The following BTN1A1 variants were observed in gnomAD, a reference collection of about 807,000 sequenced individuals.
BTN1A1 encodes butyrophilin subfamily 1 member A1.
In BTN1A1, 26 loss-of-function variants were observed where a neutral mutation model predicts 33.1. The ratio of observed to expected loss-of-function variants is 0.79; its 90% CI spans 0.58 to 1.09. The LOEUF (loss-of-function observed/expected upper bound fraction) is 1.09, where lower values mean the gene tolerates loss of function less well. BTN1A1 is among the 50% of genes least tolerant of loss of function. BTN1A1 has a pLI of 0.00. For missense variants in BTN1A1, 558 were observed against 655.7 expected (o/e 0.85, Z 1.63); for synonymous variants, 235 against 256.2 (o/e 0.92, Z 0.79).
At chr6:26,505,766 G>C (rs185678638) in intron 4 of BTN1A1, among the ~76,000 whole-genome samples, 86 of 151,852 alleles carry the variant, frequency 5.7e-4, no homozygotes, top group Admixed American at 2.7e-3. Context: ...AAGTGAGATA[G>C]AGAAGCTTTG....
chr6:26,505,817 GT>G (rs1206947929), intron 4 of BTN1A1, among the ~76,000 whole-genome samples: 5 of 151,732 alleles, frequency 3.3e-5, no homozygotes, highest in Admixed American at 1.3e-4. Context: ...CTCTCCTCAA[GT>G]AAACAAAAAG....
intron 4 of BTN1A1, 85 bp from the exon 5 acceptor site, chr6:26,506,598 C>A (rs1278808116): frequency 1.4e-6 from 2 of 1,464,156 alleles, no homozygotes; most frequent in Non-Finnish European, 1.9e-6. Context: ...GCCATCACCT[C>A]TTCTACCCTC....
At position 26,501,862 on chromosome 6, in the gene BTN1A1, G is replaced by A. The variant is rs773149513; in HGVS notation, c.352G>A (p.Asp118Asn). Residue 118 changes from aspartate (D) to asparagine (N), a missense_variant, in exon 3 of 8, where the codon GAC becomes AAC. Physicochemically the swap from Asp to Asn is conservative, Grantham distance 23. Transcript: ENST00000684113. The surrounding 1 kb of genome is among the most constrained non-coding windows in gnomAD (Gnocchi z 5.2). The part of the protein sequence containing the change: ...ALRIRGVRVS[D>N]DGEYTCFFRE... ...GAGGATCCGTGGCGTCAGAGTCTCT[G>A]ACGACGGGGAGTACACGTGCTTTTT... The A allele has an allele frequency of 6.2e-6, 10 of 1,610,076 alleles. No individual in the cohort carries two copies. Among genetic ancestry groups the A allele is most frequent in the Non-Finnish European group, 5.9e-6 (7 of 1,177,170 alleles).
In BTN1A1 at chr6:26,501,255, T is replaced by A. The variant is rs1391514197; in HGVS notation, c.-32T>A. 11 of 1,585,508 alleles carry A rather than the reference T, an allele frequency of 6.9e-6. No individual in the cohort carries two copies. Among genetic ancestry groups the A allele is most frequent in the Non-Finnish European group, 9.5e-6 (11 of 1,154,312 alleles). ...GCTGAAGCTCCTGAGGGGACTCACATCAGTTATCTTGCTGCTCCAGAAGGG... is the reference window on the plus strand; with the variant it reads ...GCTGAAGCTCCTGAGGGGACTCACAACAGTTATCTTGCTGCTCCAGAAGGG... On this transcript the variant is annotated 5_prime_UTR_variant, in exon 2 of 8. Transcript: ENST00000684113. The surrounding 1 kb of genome is among the most constrained non-coding windows in gnomAD (Gnocchi z 5.2).
In BTN1A1 at chr6:26,508,517, C is replaced by G; in HGVS notation, c.924C>G (p.Asp308Glu). ...ATLHAVDVTL[D>E]PDTAHPHLFL... is the part of the protein sequence containing the mutation. ...TCTCTCCAGTTGATGTGACTCTGGA[C>G]CCAGACACAGCTCATCCCCACCTCT... Residue 308 changes from aspartate to glutamate, a missense_variant, in exon 8 of 8, where the codon GAC (aspartate) becomes GAG (glutamate). Transcript: ENST00000684113. The G allele has an allele frequency of 6.2e-7, 1 of 1,612,678 alleles. No individual in the cohort carries two copies. Among genetic ancestry groups the G allele is most frequent in the Non-Finnish European group, 8.5e-7 (1 of 1,179,228 alleles).
intron 3 of BTN1A1, among the ~76,000 whole-genome samples, chr6:26,502,926 C>G (rs972165404): frequency 6.6e-6 from 1 of 152,268 alleles, no homozygotes; most frequent in Non-Finnish European, 1.5e-5. Context: ...GAGGAAAGTA[C>G]GCATTGAGGT....
At position 26,506,792 on chromosome 6, in the gene BTN1A1, C is replaced by G; in HGVS notation, c.819C>G (p.Asn273Lys). 6.2e-7 allele frequency: 1 copy of G among 1,614,032 alleles called. No homozygotes were observed. The highest frequency in any genetic ancestry group is 8.5e-7 in the Non-Finnish European group (1 of 1,179,990). Reference protein sequence around the residue: ...GSIFFTWRLYNERPRERRNEF... With the variant: ...GSIFFTWRLYKERPRERRNEF... ...TATTTTTCACTTGGAGACTATACAA[C>G]GAAAGACCCAGAGAGAGGAGGAATG... The change falls in exon 5 of 8, where the codon AAC (asparagine) becomes AAG (lysine). Residue 273 changes from asparagine (N) to lysine (K), a missense_variant. Coordinates refer to ENST00000684113, the MANE Select transcript of BTN1A1 (RefSeq NM_001732.3).
intron 7 of BTN1A1, 106 bp from the exon 8 acceptor site, chr6:26,508,395 G>T: frequency 7.7e-7 from 1 of 1,298,376 alleles, no homozygotes; most frequent in South Asian, 1.4e-5. Context: ...ACCTCCAGAA[G>T]ACCTGTCAAC....
rs1355552742 is a variant in BTN1A1 at position 26,507,933 on chromosome 6, TTTTG to T, written c.860-9_860-6del. On this transcript the variant is annotated splice_polypyrimidine_tract_variant and intron_variant, in intron 5 of 7. Coordinates refer to ENST00000684113, the MANE Select transcript of BTN1A1 (RefSeq NM_001732.3). ...CCACTATAGAAAGCCATTGAGGTATTTTTGTTTGTTTTCCAGAGAGACTCCTGGA... is the reference window on the plus strand; with the variant it reads ...CCACTATAGAAAGCCATTGAGGTATTTTTGTTTTCCAGAGAGACTCCTGGA... The T allele has an allele frequency of 2.5e-6, 4 of 1,613,848 alleles. No homozygotes were observed. The highest frequency in any genetic ancestry group is 3.4e-6 in the Non-Finnish European group (4 of 1,179,876).
At chr6:26,506,861 T>G (rs571765494) in intron 5 of BTN1A1, 29 bp downstream of exon 5, 84 of 1,611,702 alleles carry the variant, frequency 5.2e-5, no homozygotes, top group Admixed American at 2.5e-4. Flanking sequence ...AAGGGCTACG[T>G]GTCAGGAGTG....
At position 26,505,143 on chromosome 6, in the gene BTN1A1, G is replaced by A. The variant is rs1763853008; in HGVS notation, c.646G>A (p.Val216Met). 1 of 1,613,998 alleles carries A rather than the reference G, an allele frequency of 6.2e-7. No individual in the cohort carries two copies. The highest frequency in any genetic ancestry group is 8.5e-7 in the Non-Finnish European group (1 of 1,179,874). The change falls in exon 4 of 8, where the codon GTG (valine) becomes ATG (methionine). Residue 216 changes from valine to methionine, a missense_variant. By Grantham distance (21) the Val-to-Met change is conservative. Transcript: ENST00000684113. ...VIIRDTSAKN[V>M]SCYIQNLLLG... ...CATCAGAGACACTTCTGCGAAAAAT[G>A]TGTCCTGCTACATCCAGAATCTCCT...
intron 3 of BTN1A1, among the ~76,000 whole-genome samples, chr6:26,504,640 A>G (rs745532213): frequency 1.3e-5 from 2 of 152,104 alleles, no homozygotes; most frequent in African/African-American, 4.8e-5. Flanking sequence ...GGCAAGAACC[A>G]CCATGCCCAA....
At chr6:26,508,141 A>C in intron 7 of BTN1A1, 54 bp downstream of exon 7, 2 of 1,539,472 alleles carry the variant, frequency 1.3e-6, no homozygotes, top group Non-Finnish European at 1.8e-6. Context: ...CTAGGAATTC[A>C]AAGTGCTATG....
At position 26,508,777 on chromosome 6, in the gene BTN1A1, CT is replaced by C; in HGVS notation, c.1185del (p.Val396Ter). The part of the protein sequence containing the change: ...DPMTPENGFW[A>X]VELYGNGYWA... ...ATGACTCCTGAGAATGGGTTCTGGG[CT>C]GTAGAGTTGTATGGAAATGGGTACT... On this transcript the variant is annotated frameshift_variant, in exon 8 of 8. Coordinates refer to ENST00000684113, the MANE Select transcript of BTN1A1 (RefSeq NM_001732.3). LOFTEE classifies it low-confidence loss of function (END_TRUNC). The C allele has an allele frequency of 6.2e-7, 1 of 1,614,100 alleles. No individual in the cohort carries two copies. The highest frequency in any genetic ancestry group is 8.5e-7 in the Non-Finnish European group (1 of 1,180,020).
In BTN1A1 at chr6:26,508,896, T is replaced by A; in HGVS notation, c.1303T>A (p.Phe435Ile). 6.2e-7 allele frequency: 1 copy of A among 1,614,214 alleles called. No individual in the cohort carries two copies. Among genetic ancestry groups the A allele is most frequent in the Non-Finnish European group, 8.5e-7 (1 of 1,180,022 alleles). The change falls in exon 8 of 8, where the codon TTC (phenylalanine) becomes ATC (isoleucine). Residue 435 changes from phenylalanine to isoleucine, a missense_variant. By Grantham distance (21) the Phe-to-Ile change is conservative (BLOSUM62 0). Coordinates refer to ENST00000684113, the MANE Select transcript of BTN1A1 (RefSeq NM_001732.3). ...AGACTATGAATCAGGAGACATCTCC[T>A]TCTACAACATGAATGATGGATCTGA... Reference protein sequence around the residue: ...FLDYESGDISFYNMNDGSDIY... With the variant: ...FLDYESGDISIYNMNDGSDIY...
Position 26,501,684 on chromosome 6 carries a change from C to G in BTN1A1, c.174C>G (p.Ala58=). Reference sequence around the variant, plus strand: ...GTCGCCTGTCTCCGAACGCGAGCGCCGAGCACTTGGAGCTACGCTGGTTCC... The same window carrying G: ...GTCGCCTGTCTCCGAACGCGAGCGCGGAGCACTTGGAGCTACGCTGGTTCC... ...LPCRLSPNAS[A]EHLELRWFRK... Residue 58 remains alanine, a synonymous_variant, in exon 3 of 8, where the codon GCC becomes GCG. Transcript: ENST00000684113. The surrounding 1 kb of genome is among the most constrained non-coding windows in gnomAD (Gnocchi z 5.2). 2 of 1,614,038 alleles carry G rather than the reference C, an allele frequency of 1.2e-6. No individual in the cohort carries two copies. Among genetic ancestry groups the G allele is most frequent in the Non-Finnish European group, 1.7e-6 (2 of 1,179,994 alleles).
chr6:26,504,879 C>G (rs1561884050), intron 3 of BTN1A1, 46 bp from the exon 4 acceptor site: 1 of 1,586,358 alleles, frequency 6.3e-7, no homozygotes, highest in African/African-American at 1.4e-5. Flanking sequence ...ATAAGGCTCC[C>G]AAAAGGGGTC....
In BTN1A1 at chr6:26,506,797, G is replaced by A; in HGVS notation, c.824G>A (p.Arg275Lys). 1.2e-6 allele frequency: 2 copies of A among 1,614,172 alleles called. No individual in the cohort carries two copies. The highest frequency in any genetic ancestry group is 1.7e-6 in the Non-Finnish European group (2 of 1,180,026). Reference protein sequence around the residue: ...IFFTWRLYNERPRERRNEFSS... With the variant: ...IFFTWRLYNEKPRERRNEFSS... ...TTCACTTGGAGACTATACAACGAAA[G>A]ACCCAGAGAGAGGAGGAATGAATTC... The change falls in exon 5 of 8, where the codon AGA becomes AAA. Residue 275 changes from arginine to lysine, a missense_variant. Coordinates refer to ENST00000684113, the MANE Select transcript of BTN1A1 (RefSeq NM_001732.3).
At chr6:26,508,305 C>A (rs1763897739) in intron 7 of BTN1A1, among the ~76,000 whole-genome samples, 196 bp from the exon 8 acceptor site, 1 of 152,176 alleles carries the variant, frequency 6.6e-6, no homozygotes, top group Admixed American at 6.5e-5. Flanking sequence ...GCACAGTTAG[C>A]TCTTACATCA....
Sources: allele counts gnomAD v4.1 joint callset (sites outside exome capture counted in the v4.1 genomes callset), GRCh38; gene constraint gnomAD v4.1.1; non-coding constraint Gnocchi (gnomAD v3.1); transcripts MANE v1.5; gene names NCBI Gene and HGNC (gene_info 2026-07-23, HGNC 2026-07-21).